NPFFR2: variants seen among roughly 807,000 people sequenced by gnomAD.
NPFFR2 encodes the protein G-protein coupled receptor 74.
NPFFR2 carries 15 observed loss-of-function variants against 13.1 expected under a neutral mutation model. That is an observed-to-expected ratio of 1.15 (90% CI 0.77 to 1.76). The LOEUF (loss-of-function observed/expected upper bound fraction) is 1.76. Among genes scored for constraint, NPFFR2 ranks in the 40% most tolerant of loss-of-function variants. The pLI is 0.00. For missense variants in NPFFR2, 572 were observed against 503.5 expected (o/e 1.14, Z -1.30); for synonymous variants, 190 against 175.7 (o/e 1.08, Z -0.65).
intron 1 of NPFFR2, among the ~76,000 whole-genome samples, chr4:72,037,801 G>T (rs570542845): frequency 1.3e-5 from 2 of 152,046 alleles, no homozygotes; most frequent in African/African-American, 2.4e-5. Context: ...TTTTTCAGCT[G>T]GAAAAACTAC....
intron 1 of NPFFR2, among the ~76,000 whole-genome samples, chr4:72,099,714 G>A (rs1721183247): frequency 6.6e-6 from 1 of 152,004 alleles, no homozygotes; most frequent in South Asian, 2.1e-4. Flanking sequence ...CCAACACCGG[G>A]AATTACATTT....
At chr4:72,127,303 CAAAAAAAAAAAAAAAA>C (rs772559589) in intron 1 of NPFFR2, among the ~76,000 whole-genome samples, 124 of 11,412 alleles carry the variant, frequency 0.011, 3 homozygotes, top group Admixed American at 0.027. Context: ...GACTCCATCT[CAAAAAAAAAAAAAAAA>C]AAAAAAAAAA....
At chr4:72,102,233 A>G (rs999579762) in intron 1 of NPFFR2, among the ~76,000 whole-genome samples, 5 of 152,096 alleles carry the variant, frequency 3.3e-5, no homozygotes, top group Non-Finnish European at 5.9e-5. Flanking sequence ...GTTGGTGGAA[A>G]AACTTAAATG....
intron 1 of NPFFR2, among the ~76,000 whole-genome samples, chr4:72,083,320 G>T (rs1047581691): frequency 6.6e-6 from 1 of 152,042 alleles, no homozygotes; most frequent in South Asian, 2.1e-4. Flanking sequence ...AGCATACAAG[G>T]GTTCTCTTTT....
intron 1 of NPFFR2, among the ~76,000 whole-genome samples, chr4:72,062,360 A>G (rs932391636): frequency 6.6e-6 from 1 of 152,164 alleles, no homozygotes; most frequent in Non-Finnish European, 1.5e-5. Context: ...GATGCCTCTA[A>G]AGGTTTGCTC....
intron 1 of NPFFR2, among the ~76,000 whole-genome samples, chr4:72,127,489 G>A (rs1348087203): frequency 2.9e-5 from 4 of 135,870 alleles, no homozygotes; most frequent in East Asian, 5.0e-4. Context: ...TCAGCCTCCC[G>A]AGTAGCTGGG....
chr4:72,065,591 A>G (rs1257725934), intron 1 of NPFFR2, among the ~76,000 whole-genome samples: 1 of 152,196 alleles, frequency 6.6e-6, no homozygotes, highest in Admixed American at 6.5e-5. Flanking sequence ...ACCCAAGGAG[A>G]TACACATTTT....
At chr4:72,136,250 C>T (rs1262958585) in intron 2 of NPFFR2, among the ~76,000 whole-genome samples, 1 of 152,010 alleles carries the variant, frequency 6.6e-6, no homozygotes, top group Non-Finnish European at 1.5e-5. Flanking sequence ...CCCAGCTACT[C>T]AGGAGCTTGA....
intron 1 of NPFFR2, among the ~76,000 whole-genome samples, chr4:72,114,457 A>G (rs1243160184): frequency 6.6e-6 from 1 of 152,122 alleles, no homozygotes; most frequent in Admixed American, 6.6e-5. Context: ...AATGGGGTCT[A>G]ACTTCTGTCT....
chr4:72,032,117 G>A lies in NPFFR2; in HGVS notation c.-91G>A. The A allele has an allele frequency of 3.1e-6, 5 of 1,614,150 alleles. No homozygotes were observed. Among genetic ancestry groups the A allele is most frequent in the Non-Finnish European group, 4.2e-6 (5 of 1,179,998 alleles). On this transcript the variant is annotated 5_prime_UTR_variant, in exon 1 of 4. Transcript: ENST00000308744. ...GCCGGCAGACTGCGAAAAGTAGCTG[G>A]AGCCGGAGCAGGGACAGAACCTGTT...
chr4:72,100,940 T>C (rs1283608979), intron 1 of NPFFR2, among the ~76,000 whole-genome samples: 1 of 152,036 alleles, frequency 6.6e-6, no homozygotes, highest in East Asian at 1.9e-4. Context: ...TATCTTTCTA[T>C]GCATTTTCCA....
intron 1 of NPFFR2, among the ~76,000 whole-genome samples, chr4:72,094,214 A>C (rs1720991030): frequency 6.6e-6 from 1 of 152,124 alleles, no homozygotes; most frequent in African/African-American, 2.4e-5. Context: ...GTGTATACTA[A>C]CACCTCCTCC....
intron 1 of NPFFR2, among the ~76,000 whole-genome samples, chr4:72,107,134 C>A (rs1391397349): frequency 1.3e-5 from 2 of 151,686 alleles, no homozygotes; most frequent in African/African-American, 2.4e-5. Context: ...CTCTGCCCAG[C>A]ACTAATTCAA....
At chr4:72,130,217 A>G (rs369384551) in intron 2 of NPFFR2, among the ~76,000 whole-genome samples, 15 of 152,218 alleles carry the variant, frequency 9.9e-5, no homozygotes, top group African/African-American at 3.6e-4. Context: ...AAACCTTTGT[A>G]TTTTCTTAAT....
chr4:72,113,240 A>T (rs770986857), intron 1 of NPFFR2, among the ~76,000 whole-genome samples: 7 of 152,100 alleles, frequency 4.6e-5, no homozygotes, highest in African/African-American at 1.7e-4. Context: ...ACAGCAAAGA[A>T]TAGTAGAATT....
intron 1 of NPFFR2, among the ~76,000 whole-genome samples, chr4:72,107,218 C>A (rs549469091): frequency 6.6e-6 from 1 of 151,444 alleles, no homozygotes; most frequent in South Asian, 2.1e-4. Flanking sequence ...TTAATAGACT[C>A]CTGCTCACAA....
At chr4:72,089,368 A>G (rs925267598) in intron 1 of NPFFR2, among the ~76,000 whole-genome samples, 2 of 152,140 alleles carry the variant, frequency 1.3e-5, no homozygotes, top group African/African-American at 2.4e-5. Flanking sequence ...ATCAAATGGT[A>G]TATCTACTTT....
chr4:72,117,352 A>G (rs1721743000), intron 1 of NPFFR2, among the ~76,000 whole-genome samples: 1 of 152,154 alleles, frequency 6.6e-6, no homozygotes, highest in South Asian at 2.1e-4. Flanking sequence ...GCTTTGGTTT[A>G]ATCTGTTGGC....
chr4:72,103,958 T>C (rs1321781255), intron 1 of NPFFR2, among the ~76,000 whole-genome samples: 1 of 151,918 alleles, frequency 6.6e-6, no homozygotes, highest in Non-Finnish European at 1.5e-5. Context: ...TCTAAAAAAA[T>C]CAGTGATTAT....
Sources: gnomAD v4.1 joint callset for allele counts (sites outside exome capture counted in the v4.1 genomes callset) on GRCh38, gnomAD v4.1.1 for gene constraint, MANE v1.5 for transcripts, NCBI Gene and HGNC (gene_info 2026-07-23, HGNC 2026-07-21) for gene names.